Variants in RAB8A observed in about 807,000 individuals in gnomAD.
RAB8A encodes ras-related protein Rab-8A.
In RAB8A, 5 loss-of-function variants were observed where a neutral mutation model predicts 29.2. The ratio of observed to expected loss-of-function variants is 0.17; its 90% CI spans 0.09 to 0.36. The LOEUF (loss-of-function observed/expected upper bound fraction) is 0.36. Ranked by LOEUF, RAB8A falls within the 10% of genes least tolerant of loss-of-function variation. RAB8A has a pLI of 1.00. For synonymous variants in RAB8A, 108 were observed against 99.9 expected (o/e 1.08, Z -0.49); for missense variants, 171 against 272.2 (o/e 0.63, Z 2.62).
At chr19:16,121,680 G>T (rs546686078) in intron 2 of RAB8A, 70 bp from the exon 3 acceptor site, 10 of 1,429,964 alleles carry the variant, frequency 7.0e-6, no homozygotes, top group Non-Finnish European at 8.9e-6. Flanking sequence ...CCGGGTAGAT[G>T]CTCCTTGTCT....
At chr19:16,131,875 G>C (rs2090926047) in intron 7 of RAB8A, among the ~76,000 whole-genome samples, 1 of 148,180 alleles carries the variant, frequency 6.7e-6, no homozygotes, top group Non-Finnish European at 1.5e-5. Context: ...TGGTTGGTTG[G>C]TTGGTTGGTT....
At chr19:16,115,732 T>A (rs531335315) in intron 1 of RAB8A, among the ~76,000 whole-genome samples, 17 of 152,292 alleles carry the variant, frequency 1.1e-4, no homozygotes, top group African/African-American at 4.1e-4. Context: ...GGTACCAGCT[T>A]CTAGCAAATG....
chr19:16,127,901 G>T lies in RAB8A; in HGVS notation c.415-125G>T. ...TTGAGGGAGTGATCCAGGAAGTCAC[G>T]CCCACAGCCCCAGCCCTGTTGCTGC... On this transcript the variant is annotated intron_variant, in intron 5 of 7. Transcript: ENST00000300935. The surrounding 1 kb of genome is among the most constrained non-coding windows in gnomAD (Gnocchi z 4.8). 1.1e-6 allele frequency: 1 copy of T among 934,692 alleles called. No individual in the cohort carries two copies. Among genetic ancestry groups the T allele is most frequent in the Non-Finnish European group, 1.7e-6 (1 of 582,222 alleles). 57.9% of individuals were successfully genotyped at this position (934,692 alleles called of 1,614,324 possible). A position where few individuals can be genotyped will look rare whatever the true frequency, so the allele number is the denominator to read the frequency against.
rs1386285600 is a variant in RAB8A, at chr19:16,133,391, C to G, written c.*1087C>G. On this transcript the variant is annotated 3_prime_UTR_variant, in exon 8 of 8. Coordinates refer to ENST00000300935, the MANE Select transcript of RAB8A (RefSeq NM_005370.5). ...TGACAGCTCTGCTGTCCCATAGGGA[C>G]TGCGACTGGGACCAGGTCAACCACG... 1.3e-5 allele frequency: 2 copies of G among 152,198 alleles called. No individual in the cohort carries two copies. Among genetic ancestry groups the G allele is most frequent in the African/African-American group, 4.8e-5 (2 of 41,372 alleles). 9.4% of individuals were successfully genotyped at this position (152,198 alleles called of 1,614,324 possible).
chr19:16,116,026 A>G (rs2090844410), intron 1 of RAB8A, among the ~76,000 whole-genome samples: 3 of 152,332 alleles, frequency 2.0e-5, no homozygotes, highest in Admixed American at 1.3e-4. Flanking sequence ...GCCCAGGTCC[A>G]TGCAGCAGAT....
At position 16,127,657 on chromosome 19, in the gene RAB8A, G is replaced by A; in HGVS notation, c.414+131G>A. ...CACCCCAGTGGGGCACGTGCCATGG[G>A]ATGACAGAAGCACACACCCAGCCGG... is the stretch of plus-strand genomic sequence containing the variant. On this transcript the variant is annotated intron_variant, in intron 5 of 7. Transcript: ENST00000300935. This position sits in a 1 kb window ranked among gnomAD's most constrained non-coding sequence, Gnocchi z 4.8. The A allele has an allele frequency of 1.4e-6, 1 of 714,518 alleles. No individual in the cohort carries two copies. The highest frequency in any genetic ancestry group is 2.2e-6 in the Non-Finnish European group (1 of 444,632). The allele number at this position is 714,518 out of a possible 1,614,324, so 44.3% of individuals were successfully genotyped here.
At chr19:16,123,735 A>C (rs962837579) in intron 3 of RAB8A, 2 of 152,140 alleles carry the variant, frequency 1.3e-5, no homozygotes, top group African/African-American at 4.8e-5. Context: ...CAGCACCACC[A>C]TTGCAGCTGT....
In RAB8A at chr19:16,129,569, G is replaced by A. The variant is rs758396964; in HGVS notation, c.496G>A (p.Ala166Thr). 4 of 1,614,030 alleles carry A rather than the reference G, an allele frequency of 2.5e-6. No homozygotes were observed. The highest frequency in any genetic ancestry group is 4.5e-5 in the East Asian group (2 of 44,880). ...TATTCCACAGGCATTTTTCACTCTC[G>A]CCAGAGATATCAAAGCAAAAATGGA... Reference protein sequence around the residue: ...INVENAFFTLARDIKAKMDKK... With the variant: ...INVENAFFTLTRDIKAKMDKK... The change falls in exon 7 of 8, where the codon GCC becomes ACC. Residue 166 changes from alanine to threonine, a missense_variant. This residue lies in a region of RAB8A where 145 missense variants were observed against 212.8 expected (regional missense o/e 0.68). Coordinates refer to ENST00000300935, the MANE Select transcript of RAB8A (RefSeq NM_005370.5).
chr19:16,118,100 C>A, intron 1 of RAB8A, 126 bp from the exon 2 acceptor site: 1 of 721,516 alleles, frequency 1.4e-6, no homozygotes, highest in Non-Finnish European at 2.4e-6. Context: ...ATCCTGCATG[C>A]CCAGCACCAG....
In RAB8A at chr19:16,121,972, CG is replaced by C. The variant is rs2090877421; in HGVS notation, c.246+164del. On this transcript the variant is annotated intron_variant, in intron 3 of 7. Transcript: ENST00000300935. ...AGTCTTAGGAACAGGCTTTGTGCCC[CG>C]GCCTACCCCCATGTACATACCTCCC... 5 of 638,244 alleles carry C rather than the reference CG, an allele frequency of 7.8e-6. No homozygotes were observed. In the South Asian group the frequency reaches 9.8e-5, roughly 12 times the overall value. The allele number at this position is 638,244 out of a possible 1,614,324, so 39.5% of individuals were successfully genotyped here.
Position 16,125,675 on chromosome 19 carries a change from G to A in RAB8A, c.324+128G>A. ...ACTTGCCCACAGCCTCCTAGTCAGG[G>A]ACATGGTGGGAGCAGGGACTGAGAT... On this transcript the variant is annotated intron_variant, in intron 4 of 7. Coordinates refer to ENST00000300935, the MANE Select transcript of RAB8A (RefSeq NM_005370.5). The surrounding 1 kb of genome is among the most constrained non-coding windows in gnomAD (Gnocchi z 5.0). 1.1e-6 allele frequency: 1 copy of A among 892,430 alleles called. No homozygotes were observed. Among genetic ancestry groups the A allele is most frequent in the African/African-American group, 1.7e-5 (1 of 60,546 alleles). 55.3% of individuals were successfully genotyped at this position (892,430 alleles called of 1,614,324 possible). A position where few individuals can be genotyped will look rare whatever the true frequency, so the allele number is the denominator to read the frequency against.
rs754392429 is a variant in RAB8A at position 16,125,710 on chromosome 19, C to A, written c.324+163C>A. On this transcript the variant is annotated intron_variant, in intron 4 of 7. Coordinates refer to ENST00000300935, the MANE Select transcript of RAB8A (RefSeq NM_005370.5). This position sits in a 1 kb window ranked among gnomAD's most constrained non-coding sequence, Gnocchi z 5.0. ...GAGCAGGGACTGAGATGCAAGCAGC[C>A]GGCCCCAGGGACCACACACTGGCCT... The A allele has an allele frequency of 1.3e-6, 1 of 753,428 alleles. No homozygotes were observed. Among genetic ancestry groups the A allele is most frequent in the Non-Finnish European group, 2.3e-6 (1 of 430,944 alleles). The allele number at this position is 753,428 out of a possible 1,614,324, so 46.7% of individuals were successfully genotyped here.
intron 7 of RAB8A, among the ~76,000 whole-genome samples, chr19:16,130,982 C>T (rs2090922222): frequency 6.6e-6 from 1 of 152,146 alleles, no homozygotes; most frequent in Non-Finnish European, 1.5e-5. Context: ...TGTCACCACG[C>T]CCAGCTAATT....
At chr19:16,116,617 A>ATT (rs1236672415) in intron 1 of RAB8A, among the ~76,000 whole-genome samples, 2 of 152,146 alleles carry the variant, frequency 1.3e-5, no homozygotes, top group Non-Finnish European at 2.9e-5. Flanking sequence ...TGGGCAGATC[A>ATT]CGAGGTCAAG....
intron 1 of RAB8A, among the ~76,000 whole-genome samples, chr19:16,114,940 T>A (rs2090840200): frequency 6.6e-6 from 1 of 152,034 alleles, no homozygotes; most frequent in Non-Finnish European, 1.5e-5. Flanking sequence ...CCTAATTAAA[T>A]TTGGCATGTT....
In RAB8A at chr19:16,122,869, G is replaced by A. The variant is rs1178919702; in HGVS notation, c.246+1059G>A. On this transcript the variant is annotated intron_variant, in intron 3 of 7. Transcript: ENST00000300935. This position sits in a 1 kb window ranked among gnomAD's most constrained non-coding sequence, Gnocchi z 4.7. The stretch of plus-strand genomic sequence containing the variant: ...CCCACCTCACAGTTCTCTGGTGGAG[G>A]GTGGGCAGGCGGCCTGAGGGCACTG... Among the ~76,000 whole-genome samples the A allele has an allele frequency of 6.6e-6, 1 of 152,108 alleles. No homozygotes were observed. The highest frequency in any genetic ancestry group is 1.5e-5 in the Non-Finnish European group (1 of 68,022).
intron 2 of RAB8A, among the ~76,000 whole-genome samples, chr19:16,121,149 T>G (rs2090873755): frequency 1.3e-5 from 2 of 152,002 alleles, no homozygotes; most frequent in Admixed American, 1.3e-4. Flanking sequence ...CCTCCTGACC[T>G]CAGGTGGTCC....
chr19:16,127,291 C>T lies in RAB8A; in HGVS notation c.325-146C>T, dbSNP rs1009255695. 2.2e-6 allele frequency: 1 copy of T among 446,798 alleles called. No homozygotes were observed. Among genetic ancestry groups the T allele is most frequent in the African/African-American group, 2.0e-5 (1 of 49,170 alleles). The allele number at this position is 446,798 out of a possible 1,614,324, so 27.7% of individuals were successfully genotyped here. ...ACATGGGGCCGGCTGCTTGGCCTCT[C>T]TGAGCTTCAGCTTGTCCCTTAGACC... is the stretch of plus-strand genomic sequence containing the variant. On this transcript the variant is annotated intron_variant, in intron 4 of 7. Coordinates refer to ENST00000300935, the MANE Select transcript of RAB8A (RefSeq NM_005370.5). The surrounding 1 kb of genome is among the most constrained non-coding windows in gnomAD (Gnocchi z 4.8).
Position 16,129,703 on chromosome 19 carries a change from G to C in RAB8A, c.531+99G>C, listed in dbSNP as rs1337569544. ...GACGTGCCCTAGATCCTGCTTTTTA[G>C]GGCCCAGCCAGACCCCATGGGACAT... On this transcript the variant is annotated intron_variant, in intron 7 of 7. Transcript: ENST00000300935. The C allele has an allele frequency of 2.5e-6, 3 of 1,222,344 alleles. No individual in the cohort carries two copies. The African/African-American group carries it at 4.5e-5, about 18-fold the overall frequency. 75.7% of individuals were successfully genotyped at this position (1,222,344 alleles called of 1,614,324 possible).
Sources: allele counts gnomAD v4.1 joint callset (sites outside exome capture counted in the v4.1 genomes callset), GRCh38; gene constraint gnomAD v4.1.1; regional missense constraint gnomAD v4.1.1; non-coding constraint Gnocchi (gnomAD v3.1); transcripts MANE v1.5; gene names NCBI Gene and HGNC (gene_info 2026-07-23, HGNC 2026-07-21).